IGSF3: variants seen among roughly 807,000 people sequenced by gnomAD.
IGSF3 encodes the protein glu-Trp-Ile EWI motif-containing protein 3.
A neutral mutation model predicts 114.4 loss-of-function variants in IGSF3; 23 were observed. That is an observed-to-expected ratio of 0.20 (90% confidence interval 0.14 to 0.28). The LOEUF is 0.28. Among genes scored for constraint, IGSF3 ranks in the 10% least tolerant of loss-of-function variants. The pLI, the probability that IGSF3 is intolerant of heterozygous loss-of-function variation, is 1.00. For synonymous variants in IGSF3, 571 were observed against 645.2 expected (o/e 0.88, Z 1.74); for missense variants, 1,172 against 1,591.5 (o/e 0.74, Z 4.48).
intron 2 of IGSF3, among the ~76,000 whole-genome samples, chr1:116,663,918 C>A (rs749791511): frequency 2.0e-5 from 3 of 152,178 alleles, no homozygotes; most frequent in Non-Finnish European, 4.4e-5. Flanking sequence ...TGGGATTCTT[C>A]GCTGTTTTAA....
chr1:116,608,445 G>A lies in IGSF3; in HGVS notation c.833-114C>T, dbSNP rs868702117. ...CCTCTTCTTTACAATACTAACTGCGGGGAGGACCACAGCACTTAGCTTGAG... is the reference window on the plus strand; with the variant it reads ...CCTCTTCTTTACAATACTAACTGCGAGGAGGACCACAGCACTTAGCTTGAG... On this transcript the variant is annotated intron_variant, in intron 4 of 10. Transcript: ENST00000369486. 9.4e-5 allele frequency: 77 copies of A among 818,758 alleles called. 1 individual carries two copies. The South Asian group carries it at 1.4e-3, about 15-fold the overall frequency. 50.7% of individuals were successfully genotyped at this position (818,758 alleles called of 1,614,324 possible). A position where few individuals can be genotyped will look rare whatever the true frequency, so the allele number is the denominator to read the frequency against.
intron 2 of IGSF3, among the ~76,000 whole-genome samples, chr1:116,630,909 A>G (rs917401012): frequency 6.6e-6 from 1 of 152,196 alleles, no homozygotes; most frequent in African/African-American, 2.4e-5. Context: ...CTGGAGGTCC[A>G]GAGTACTGCA....
chr1:116,656,085 A>G (rs1648833255), intron 2 of IGSF3, among the ~76,000 whole-genome samples: 1 of 152,172 alleles, frequency 6.6e-6, no homozygotes, highest in Admixed American at 6.5e-5. Context: ...AAGCCTGAAA[A>G]AATAGTGAAG....
Position 116,575,126 on chromosome 1 carries a change from A to C in IGSF3, c.*2186T>G, listed in dbSNP as rs528965870. On this transcript the variant is annotated 3_prime_UTR_variant, in exon 11 of 11. Coordinates refer to ENST00000369486, the MANE Select transcript of IGSF3 (RefSeq NM_001007237.3). This position sits in a 1 kb window ranked among gnomAD's most constrained non-coding sequence, Gnocchi z 5.6. ...TGGCAACCTCCCATTTAGACAGAGGAAACGCCAGTCATCTTCCCTCATTGA... is the reference window on the plus strand; with the variant it reads ...TGGCAACCTCCCATTTAGACAGAGGCAACGCCAGTCATCTTCCCTCATTGA... 3 of 152,786 alleles carry C rather than the reference A, an allele frequency of 2.0e-5. No homozygotes were observed. Among genetic ancestry groups the C allele is most frequent in the African/African-American group, 7.2e-5 (3 of 41,576 alleles). The allele number at this position is 152,786 out of a possible 1,614,324, so 9.5% of individuals were successfully genotyped here.
rs1292695392 is a variant in IGSF3, at chr1:116,661,250, G to C, written c.43+5034C>G. On this transcript the variant is annotated intron_variant, in intron 2 of 10. Transcript: ENST00000369486. This position sits in a 1 kb window ranked among gnomAD's most constrained non-coding sequence, Gnocchi z 4.0. ...GGAGGTTACGGTGAGCCAAGATCGTGCCACTGCACTCCAGCCTGAGCAACA... is the reference window on the plus strand; with the variant it reads ...GGAGGTTACGGTGAGCCAAGATCGTCCCACTGCACTCCAGCCTGAGCAACA... Among the ~76,000 whole-genome samples the C allele has an allele frequency of 6.6e-6, 1 of 152,156 alleles. No individual in the cohort carries two copies. The highest frequency in any genetic ancestry group is 1.5e-5 in the Non-Finnish European group (1 of 68,032).
Position 116,579,345 on chromosome 1 carries a change from A to G in IGSF3, c.3334+47T>C, listed in dbSNP as rs181786157. On this transcript the variant is annotated intron_variant, in intron 10 of 10. Coordinates refer to ENST00000369486, the MANE Select transcript of IGSF3 (RefSeq NM_001007237.3). The surrounding 1 kb of genome is among the most constrained non-coding windows in gnomAD (Gnocchi z 6.4). ...AAGCTCAAATTTATCTTCCAGACAC[A>G]GTTGGAACCAACAGTGACATCCTCC... 3.2e-3 allele frequency: 4,908 copies of G among 1,515,930 alleles called. 45 individuals are homozygous for G. The highest frequency in any genetic ancestry group is 0.025 in the South Asian group (1,919 of 75,358). The allele number at this position is 1,515,930 out of a possible 1,614,324, so 93.9% of individuals were successfully genotyped here.
rs1461726580 is a variant in IGSF3, at chr1:116,613,858, C to T, written c.739G>A (p.Glu247Lys). The stretch of plus-strand genomic sequence containing the variant: ...GGATCCTGGATCCACTCGGCGGCCT[C>T]GCAGTAGAATTCGCCCTGGTCAGAA... Reference protein sequence around the residue: ...QPSDQGEFYCEAAEWIQDPDG... With the variant: ...QPSDQGEFYCKAAEWIQDPDG... The change falls in exon 4 of 11, where the codon GAG becomes AAG. Residue 247 changes from glutamate to lysine, a missense_variant. Physicochemically the swap from Glu to Lys is moderately conservative, Grantham distance 56. Around this residue, in one of 3 missense-constraint regions of IGSF3, gnomAD observed 736 missense variants for 1,042.0 expected, o/e 0.71. Coordinates refer to ENST00000369486, the MANE Select transcript of IGSF3 (RefSeq NM_001007237.3). The T allele has an allele frequency of 7.4e-6, 12 of 1,613,854 alleles. No homozygotes were observed. The highest frequency in any genetic ancestry group is 2.2e-5 in the East Asian group (1 of 44,876).
rs1350375320 is a variant in IGSF3, at chr1:116,628,516, C to G, written c.44-12059G>C. On this transcript the variant is annotated intron_variant, in intron 2 of 10. Transcript: ENST00000369486. The surrounding 1 kb of genome is among the most constrained non-coding windows in gnomAD (Gnocchi z 4.2). ...CCAGATGGGCATCTGTATTCCATTA[C>G]CCAGCATATAACCACTTTGGGCAAC... is the stretch of plus-strand genomic sequence containing the variant. Among the ~76,000 whole-genome samples, 3 of 152,136 alleles carry G rather than the reference C, an allele frequency of 2.0e-5. No homozygotes were observed. Among genetic ancestry groups the G allele is most frequent in the Non-Finnish European group, 4.4e-5 (3 of 68,014 alleles).
chr1:116,608,754 G>T (rs929616710), intron 4 of IGSF3, among the ~76,000 whole-genome samples: 2 of 152,100 alleles, frequency 1.3e-5, no homozygotes, highest in Non-Finnish European at 2.9e-5. Context: ...AGCAGATATT[G>T]TAAGACTTAC....
At chr1:116,626,430 A>G (rs1351911144) in intron 2 of IGSF3, among the ~76,000 whole-genome samples, 1 of 152,214 alleles carries the variant, frequency 6.6e-6, no homozygotes, top group Non-Finnish European at 1.5e-5. Flanking sequence ...ATAGCTGCAC[A>G]GTATTCCATC....
At position 116,612,789 on chromosome 1, in the gene IGSF3, A is replaced by G. The variant is rs577766928; in HGVS notation, c.832+976T>C. Among the ~76,000 whole-genome samples the G allele has an allele frequency of 6.6e-6, 1 of 152,322 alleles. No individual in the cohort carries two copies. The highest frequency in any genetic ancestry group is 6.5e-5 in the Admixed American group (1 of 15,302). On this transcript the variant is annotated intron_variant, in intron 4 of 10. Coordinates refer to ENST00000369486, the MANE Select transcript of IGSF3 (RefSeq NM_001007237.3). This position sits in a 1 kb window ranked among gnomAD's most constrained non-coding sequence, Gnocchi z 4.1. ...CCAACTTAGTGATGGCACAACAACC[A>G]TGCTCCAACCAAAGCTGGGGGATCT...
rs1429686001 is a variant in IGSF3, at chr1:116,576,831, A to T, written c.*481T>A. The T allele has an allele frequency of 6.5e-6, 1 of 154,126 alleles. No homozygotes were observed. The highest frequency in any genetic ancestry group is 2.4e-5 in the African/African-American group (1 of 41,486). 9.5% of individuals were successfully genotyped at this position (154,126 alleles called of 1,614,324 possible). On this transcript the variant is annotated 3_prime_UTR_variant, in exon 11 of 11. Coordinates refer to ENST00000369486, the MANE Select transcript of IGSF3 (RefSeq NM_001007237.3). The surrounding 1 kb of genome is among the most constrained non-coding windows in gnomAD (Gnocchi z 4.6). ...TTTGATCCATGGGTGGCATTTTCAA[A>T]TGTGCAAAAACAAAGTCTTGGAAGA...
Position 116,642,048 on chromosome 1 carries a change from C to T in IGSF3, c.43+24236G>A, listed in dbSNP as rs760882433. 2.0e-5 allele frequency among the ~76,000 whole-genome samples: 3 copies of T among 152,066 alleles called. No homozygotes were observed. The highest frequency in any genetic ancestry group is 4.4e-5 in the Non-Finnish European group (3 of 68,012). On this transcript the variant is annotated intron_variant, in intron 2 of 10. Coordinates refer to ENST00000369486, the MANE Select transcript of IGSF3 (RefSeq NM_001007237.3). The surrounding 1 kb of genome is among the most constrained non-coding windows in gnomAD (Gnocchi z 5.4). ...CCTCCCAAAGTGCTAGGATTACAAG[C>T]ATGAGCCACTGTGCCCCAGCCCAAC...
rs771804268 is a variant in IGSF3 at position 116,608,283 on chromosome 1, A to G, written c.881T>C (p.Val294Ala). The G allele has an allele frequency of 1.9e-6, 3 of 1,611,288 alleles. No homozygotes were observed. Among genetic ancestry groups the G allele is most frequent in the Non-Finnish European group, 2.5e-6 (3 of 1,178,940 alleles). ...GCATCTGAACTCCACCGGCTCGCCC[A>G]CCGTGTGCAGCCGCTTCTCTGTCTC... ...RLETEKRLHT[V>A]GEPVEFRCIL... is the part of the protein sequence containing the mutation. The change falls in exon 5 of 11, where the codon GTG becomes GCG. Residue 294 changes from valine to alanine, a missense_variant. Coordinates refer to ENST00000369486, the MANE Select transcript of IGSF3 (RefSeq NM_001007237.3).
Position 116,636,700 on chromosome 1 carries a change from T to C in IGSF3, c.44-20243A>G, listed in dbSNP as rs1443041650. Among the ~76,000 whole-genome samples the C allele has an allele frequency of 6.6e-6, 1 of 152,170 alleles. No individual in the cohort carries two copies. The highest frequency in any genetic ancestry group is 1.5e-5 in the Non-Finnish European group (1 of 68,024). ...AGCCAGTGAAGAGGGGCTGGAACCC[T>C]GTCTTTTGCCTCGAAGCACAGGGCC... On this transcript the variant is annotated intron_variant, in intron 2 of 10. Transcript: ENST00000369486. The surrounding 1 kb of genome is among the most constrained non-coding windows in gnomAD (Gnocchi z 4.5).
At chr1:116,643,062 C>T (rs185467450) in intron 2 of IGSF3, among the ~76,000 whole-genome samples, 1 of 152,274 alleles carries the variant, frequency 6.6e-6, no homozygotes, top group Non-Finnish European at 1.5e-5. Context: ...CTTCTTGGTC[C>T]AAAAGGCGCA....
chr1:116,597,518 A>G (rs1334707032), intron 7 of IGSF3, among the ~76,000 whole-genome samples: 1 of 152,174 alleles, frequency 6.6e-6, no homozygotes, highest in Non-Finnish European at 1.5e-5. Flanking sequence ...TGCTCTTCCT[A>G]GCCTCCAAAG....
intron 2 of IGSF3, among the ~76,000 whole-genome samples, chr1:116,646,350 T>C (rs969237921): frequency 6.6e-6 from 1 of 150,690 alleles, no homozygotes; most frequent in Non-Finnish European, 1.5e-5. Context: ...TTGGGGGGGG[T>C]CCACACAAAG....
intron 6 of IGSF3, among the ~76,000 whole-genome samples, chr1:116,601,827 G>A (rs1660602944): frequency 6.6e-6 from 1 of 152,090 alleles, no homozygotes; most frequent in South Asian, 2.1e-4. Flanking sequence ...GCATGAGGGT[G>A]GTGTAGGACA....
Sources: gnomAD v4.1 joint callset for allele counts (sites outside exome capture counted in the v4.1 genomes callset) on GRCh38, gnomAD v4.1.1 for gene constraint, gnomAD v4.1.1 regional missense constraint, Gnocchi (gnomAD v3.1) non-coding constraint, MANE v1.5 for transcripts, NCBI Gene and HGNC (gene_info 2026-07-23, HGNC 2026-07-21) for gene names.